The following SORCS2 variants were observed in gnomAD, a reference collection of about 807,000 sequenced individuals.
SORCS2 encodes the protein sortilin related VPS10 domain containing receptor 2.
A neutral mutation model predicts 141.6 loss-of-function variants in SORCS2; 100 were observed. The ratio of observed to expected loss-of-function variants is 0.71; its 90% CI spans 0.60 to 0.83. The LOEUF is 0.83. Among genes scored for constraint, SORCS2 ranks in the 40% least tolerant of loss-of-function variants. The pLI, the probability that SORCS2 is intolerant of heterozygous loss-of-function variation, is 0.00. For missense variants in SORCS2, 1,646 were observed against 1,560.2 expected, an observed-to-expected ratio of 1.05 and a Z score of -0.93; for synonymous variants, 789 against 676.9, an observed-to-expected ratio of 1.17 and a Z score of -2.57.
chr4:7,740,125 C>A (rs1156684880), intron 26 of SORCS2, 75 bp from the exon 27 acceptor site: 10 of 1,361,890 alleles, frequency 7.3e-6, no homozygotes, highest in Non-Finnish European at 9.2e-6. Context: ...CCTGAGGCCA[C>A]GACCGTGTCC....
At chr4:7,719,398 T>C (rs1457705677) in intron 18 of SORCS2, among the ~76,000 whole-genome samples, 1 of 152,154 alleles carries the variant, frequency 6.6e-6, no homozygotes, top group African/African-American at 2.4e-5. Flanking sequence ...ACCTGCTTTA[T>C]AGCTGGGGAA....
chr4:7,732,142 T>C (rs184008824), intron 23 of SORCS2, among the ~76,000 whole-genome samples: 10 of 152,314 alleles, frequency 6.6e-5, no homozygotes, highest in Non-Finnish European at 1.5e-4. Flanking sequence ...AGGAGCCAAG[T>C]AGACATTTCT....
chr4:7,577,742 A>G (rs1276528720), intron 3 of SORCS2, among the ~76,000 whole-genome samples: 5 of 149,800 alleles, frequency 3.3e-5, no homozygotes, highest in African/African-American at 7.4e-5. Flanking sequence ...AGCTAGTGCC[A>G]TGGTTTGGAG....
chr4:7,371,055 G>A (rs1448705909), intron 1 of SORCS2, among the ~76,000 whole-genome samples: 7 of 152,204 alleles, frequency 4.6e-5, no homozygotes, highest in Admixed American at 2.6e-4. Context: ...GGATGGCAGA[G>A]CTGAGGTCTC....
In SORCS2 at chr4:7,308,384, G is replaced by A. The variant is rs532607802; in HGVS notation, c.481-87904G>A. ...CCTCTGGTCACCTTTCCAGGGGGCA[G>A]CTGGGGACTTTTCTGGCCTGTGTGT... On this transcript the variant is annotated intron_variant, in intron 1 of 26. Coordinates refer to ENST00000507866, the MANE Select transcript of SORCS2 (RefSeq NM_020777.3). Among the ~76,000 whole-genome samples, 16 of 152,312 alleles carry A rather than the reference G, an allele frequency of 1.1e-4. No homozygotes were observed. In the South Asian group the frequency reaches 3.3e-3, roughly 32 times the overall value.
chr4:7,320,812 T>C (rs989740680), intron 1 of SORCS2, among the ~76,000 whole-genome samples: 3 of 152,192 alleles, frequency 2.0e-5, no homozygotes, highest in African/African-American at 7.2e-5. Flanking sequence ...TCACACTCGC[T>C]CAGTTCATGC....
intron 1 of SORCS2, among the ~76,000 whole-genome samples, chr4:7,368,943 G>C (rs1722079480): frequency 6.6e-6 from 1 of 152,158 alleles, no homozygotes; most frequent in Non-Finnish European, 1.5e-5. Context: ...GCTCTTCTCT[G>C]TGTGCATCAT....
In SORCS2 at chr4:7,531,596, C is replaced by A. The variant is rs745955126; in HGVS notation, c.615C>A (p.Asp205Glu). The change falls in exon 3 of 27, where the codon GAC becomes GAA. Residue 205 changes from aspartate (D) to glutamate (E), a missense_variant. By Grantham distance (45) the Asp-to-Glu change is conservative. Transcript: ENST00000507866. ...TLQPGVTTVI[D>E]NFYICPTNKR... The stretch of plus-strand genomic sequence containing the variant: ...AGCCTGGTGTCACCACCGTCATCGA[C>A]AATTTCTACATCTGCCCGACCAACA... The A allele has an allele frequency of 1.2e-6, 2 of 1,613,890 alleles. No homozygotes were observed. Among genetic ancestry groups the A allele is most frequent in the Non-Finnish European group, 1.7e-6 (2 of 1,179,856 alleles).
intron 3 of SORCS2, among the ~76,000 whole-genome samples, chr4:7,618,965 C>A (rs1020482654): frequency 1.3e-5 from 2 of 152,108 alleles, no homozygotes; most frequent in African/African-American, 2.4e-5. Flanking sequence ...ACCCATAGGT[C>A]CTCGGAAGCA....
rs1731587598 is a variant in SORCS2, at chr4:7,495,910, G to A, written c.549-35620G>A. ...CTGCATGCTTTACCTGGGCCACCCA[G>A]AGAAACAGGGAGGCACCTGCCGGCC... On this transcript the variant is annotated intron_variant, in intron 2 of 26. Coordinates refer to ENST00000507866, the MANE Select transcript of SORCS2 (RefSeq NM_020777.3). 2.0e-5 allele frequency among the ~76,000 whole-genome samples: 3 copies of A among 152,202 alleles called. No individual in the cohort carries two copies. The South Asian group carries it at 6.2e-4, about 32-fold the overall frequency.
intron 1 of SORCS2, among the ~76,000 whole-genome samples, chr4:7,334,825 C>T (rs11941375): frequency 0.012 from 1,841 of 152,086 alleles, 38 homozygotes; most frequent in African/African-American, 0.043. Context: ...TGTGAGCAGG[C>T]CCTGTAGGAT....
At chr4:7,325,959 C>T (rs1719232106) in intron 1 of SORCS2, among the ~76,000 whole-genome samples, 1 of 152,038 alleles carries the variant, frequency 6.6e-6, no homozygotes, top group African/African-American at 2.4e-5. Context: ...ACCTCAATGT[C>T]CCTGAGTGGA....
chr4:7,437,859 T>A (rs1010524862), intron 2 of SORCS2, among the ~76,000 whole-genome samples: 1 of 152,064 alleles, frequency 6.6e-6, no homozygotes, highest in Non-Finnish European at 1.5e-5. Flanking sequence ...CCTCCTTTCC[T>A]CTCACCTGTC....
chr4:7,614,877 C>T (rs1313541078), intron 3 of SORCS2, among the ~76,000 whole-genome samples: 3 of 152,088 alleles, frequency 2.0e-5, no homozygotes, highest in Non-Finnish European at 4.4e-5. Context: ...TCTACTCATC[C>T]ACCCATCTGC....
rs73214659 is a variant in SORCS2, at chr4:7,558,377, G to A, written c.648+26748G>A. The stretch of plus-strand genomic sequence containing the variant: ...TCTATCAGTTGTGACAACCAAAAAT[G>A]TACCCAGACATTGCCAAGTGTCCCT... On this transcript the variant is annotated intron_variant, in intron 3 of 26. Transcript: ENST00000507866. Among the ~76,000 whole-genome samples the A allele has an allele frequency of 9.5e-3, 1,446 of 152,204 alleles. 12 individuals carry two copies. The highest frequency in any genetic ancestry group is 0.034 in the Middle Eastern group (10 of 294).
intron 1 of SORCS2, among the ~76,000 whole-genome samples, chr4:7,337,621 G>T (rs544284101): frequency 6.6e-6 from 1 of 152,198 alleles, no homozygotes; most frequent in Non-Finnish European, 1.5e-5. Flanking sequence ...CACGGCCAGA[G>T]GGTTGGATGT....
intron 3 of SORCS2, among the ~76,000 whole-genome samples, chr4:7,567,034 T>G (rs1466039094): frequency 6.6e-6 from 1 of 152,252 alleles, no homozygotes; most frequent in Non-Finnish European, 1.5e-5. Context: ...GATTTGGACA[T>G]AGGTCTACTG....
chr4:7,480,859 G>A (rs1730587275), intron 2 of SORCS2, among the ~76,000 whole-genome samples: 1 of 152,252 alleles, frequency 6.6e-6, no homozygotes, highest in African/African-American at 2.4e-5. Context: ...TGGCCTCCCT[G>A]GGTGGGTTCA....
chr4:7,518,292 A>T (rs1484049891), intron 2 of SORCS2, among the ~76,000 whole-genome samples: 1 of 152,140 alleles, frequency 6.6e-6, no homozygotes, highest in Non-Finnish European at 1.5e-5. Flanking sequence ...GGGTTAACCC[A>T]CTGGGCTTGA....
Sources: gnomAD v4.1 joint callset for allele counts (sites outside exome capture counted in the v4.1 genomes callset) on GRCh38, gnomAD v4.1.1 for gene constraint, MANE v1.5 for transcripts, NCBI Gene and HGNC (gene_info 2026-07-23, HGNC 2026-07-21) for gene names.